Variants in SPAG16 observed in about 807,000 individuals in gnomAD.
The protein encoded by SPAG16 is sperm associated antigen 16, also known as sperm-associated antigen 16 protein.
A neutral mutation model predicts 80.4 loss-of-function variants in SPAG16; 86 were observed. The ratio of observed to expected loss-of-function variants is 1.07; its 90% CI spans 0.90 to 1.28. The LOEUF (loss-of-function observed/expected upper bound fraction) is 1.28. Among genes scored for constraint, SPAG16 ranks in the 50% most tolerant of loss-of-function variants. SPAG16 has a pLI of 0.00. For synonymous variants in SPAG16, 294 were observed against 265.9 expected, an observed-to-expected ratio of 1.11 and a Z score of -1.03; for missense variants, 870 against 765.3, an observed-to-expected ratio of 1.14 and a Z score of -1.61.
intron 15 of SPAG16, among the ~76,000 whole-genome samples, chr2:214,226,210 G>C (rs967825838): frequency 6.6e-6 from 1 of 152,048 alleles, no homozygotes; most frequent in Non-Finnish European, 1.5e-5. Context: ...GTAGGGGCTA[G>C]CCCGTCTAGG....
chr2:214,230,416 A>G (rs1023609), intron 15 of SPAG16, among the ~76,000 whole-genome samples: 82,369 of 151,834 alleles, frequency 0.54, 24,965 homozygotes, highest in South Asian at 0.7. Flanking sequence ...CTGGCTGTGC[A>G]CAAATTCTTT....
chr2:213,548,529 G>A (rs1223357810), intron 10 of SPAG16, among the ~76,000 whole-genome samples: 2 of 152,120 alleles, frequency 1.3e-5, no homozygotes, highest in African/African-American at 4.8e-5. Flanking sequence ...ATTTTTTCAA[G>A]ATTTTCGGTT....
intron 10 of SPAG16, among the ~76,000 whole-genome samples, chr2:213,585,189 CAAA>C (rs754596152): frequency 3.4e-5 from 3 of 88,322 alleles, no homozygotes; most frequent in Non-Finnish European, 2.4e-5. Context: ...GACTCCATCT[CAAA>C]AAAAAAAAAA....
chr2:213,734,966 TA>T (rs201326085), intron 10 of SPAG16, among the ~76,000 whole-genome samples: 3 of 19,652 alleles, frequency 1.5e-4, no homozygotes, highest in East Asian at 0.053. Context: ...CCTTTCTAGA[TA>T]TTTTTTTTTC....
chr2:214,191,727 G>GAAAAAAAAAAAAAAAAAAAA, intron 15 of SPAG16, among the ~76,000 whole-genome samples: 1 of 115,842 alleles, frequency 8.6e-6, no homozygotes, highest in Non-Finnish European at 1.8e-5. Flanking sequence ...AAAAAAAAAA[G>GAAAAAAAAAAAAAAAAAAAA]AAAAAAAAAA....
At chr2:213,352,878 C>T (rs527946916) in intron 7 of SPAG16, among the ~76,000 whole-genome samples, 1 of 152,282 alleles carries the variant, frequency 6.6e-6, no homozygotes, top group South Asian at 2.1e-4. Flanking sequence ...ATATTAAAGA[C>T]TATCCCAATC....
At chr2:214,000,830 T>C (rs946082376) in intron 12 of SPAG16, among the ~76,000 whole-genome samples, 4 of 152,144 alleles carry the variant, frequency 2.6e-5, no homozygotes, top group African/African-American at 7.2e-5. Context: ...GTGGGTTAAA[T>C]AGATTTTTTT....
At chr2:213,662,314 A>G (rs1174948307) in intron 10 of SPAG16, among the ~76,000 whole-genome samples, 1 of 152,188 alleles carries the variant, frequency 6.6e-6, no homozygotes, top group Admixed American at 6.6e-5. Flanking sequence ...GGATTAGCCT[A>G]TGCAAGAACT....
chr2:214,247,768 A>G (rs2125840677), intron 15 of SPAG16, among the ~76,000 whole-genome samples: 1 of 152,276 alleles, frequency 6.6e-6, no homozygotes, highest in African/African-American at 2.4e-5. Flanking sequence ...ATGGTGGCTC[A>G]TGCCTGTAAT....
At chr2:214,198,160 A>G (rs2057900629) in intron 15 of SPAG16, among the ~76,000 whole-genome samples, 1 of 151,882 alleles carries the variant, frequency 6.6e-6, no homozygotes, top group Non-Finnish European at 1.5e-5. Flanking sequence ...AGTTCTTCCT[A>G]GTGATGATTT....
At chr2:213,331,903 A>T (rs1466781616) in intron 5 of SPAG16, among the ~76,000 whole-genome samples, 5 of 152,188 alleles carry the variant, frequency 3.3e-5, no homozygotes, top group African/African-American at 7.2e-5. Flanking sequence ...GGGAATTTAT[A>T]GGCACTTACA....
intron 8 of SPAG16, among the ~76,000 whole-genome samples, chr2:213,366,224 G>T (rs961423800): frequency 6.6e-6 from 1 of 150,436 alleles, no homozygotes. Flanking sequence ...AAGTCCCAAA[G>T]AAGAGAATGA....
intron 10 of SPAG16, among the ~76,000 whole-genome samples, chr2:213,784,528 A>G (rs146161047): frequency 2.1e-3 from 320 of 151,554 alleles, no homozygotes; most frequent in African/African-American, 7.4e-3. Context: ...TACTTACAGT[A>G]AAACAATACA....
intron 11 of SPAG16, among the ~76,000 whole-genome samples, chr2:213,921,953 C>T (rs906923006): frequency 2.0e-5 from 3 of 152,174 alleles, no homozygotes; most frequent in Non-Finnish European, 2.9e-5. Context: ...TTGCCTTTTA[C>T]ATTTTTTCAT....
intron 10 of SPAG16, among the ~76,000 whole-genome samples, chr2:213,578,300 G>T (rs1365198118): frequency 6.6e-6 from 1 of 152,044 alleles, no homozygotes; most frequent in African/African-American, 2.4e-5. Context: ...GACAGCAATT[G>T]CCAGTGAAAA....
intron 10 of SPAG16, among the ~76,000 whole-genome samples, chr2:213,809,338 A>G (rs2125662194): frequency 1.3e-5 from 2 of 152,262 alleles, no homozygotes; most frequent in East Asian, 3.9e-4. Flanking sequence ...GTTCTGTGGA[A>G]AGGTGGACTT....
At chr2:214,110,936 G>A (rs2125413886) in intron 14 of SPAG16, among the ~76,000 whole-genome samples, 1 of 152,098 alleles carries the variant, frequency 6.6e-6, no homozygotes, top group South Asian at 2.1e-4. Context: ...ATCTTCTTTT[G>A]AGAAGTGTCT....
intron 12 of SPAG16, among the ~76,000 whole-genome samples, chr2:213,934,657 A>G (rs1171694703): frequency 6.6e-6 from 1 of 152,208 alleles, no homozygotes; most frequent in African/African-American, 2.4e-5. Flanking sequence ...GATATTTATT[A>G]GCCTCAATTA....
At chr2:213,736,448 C>T (rs944129520) in intron 10 of SPAG16, among the ~76,000 whole-genome samples, 12 of 151,860 alleles carry the variant, frequency 7.9e-5, no homozygotes, top group Non-Finnish European at 1.5e-5. Flanking sequence ...CCACCACACC[C>T]GGCTAATTTT....
Sources: allele counts gnomAD v4.1 joint callset (sites outside exome capture counted in the v4.1 genomes callset), GRCh38; gene constraint gnomAD v4.1.1; transcripts MANE v1.5; gene names NCBI Gene and HGNC (gene_info 2026-07-23, HGNC 2026-07-21).